The following MAGI2 variants were observed in gnomAD, a reference collection of about 807,000 sequenced individuals.
MAGI2 encodes membrane associated guanylate kinase, WW and PDZ domain containing 2.
A neutral mutation model predicts 133.3 loss-of-function variants in MAGI2; 35 were observed. The ratio of observed to expected loss-of-function variants is 0.26; its 90% CI spans 0.20 to 0.35. MAGI2 has a LOEUF of 0.35. Ranked by LOEUF, MAGI2 falls within the 10% of genes least tolerant of loss-of-function variation. The probability of loss-of-function intolerance (pLI) is 1.00; values close to 1 mark genes in which losing one functional copy is unlikely to be tolerated. For synonymous variants in MAGI2, 729 were observed against 710.6 expected (o/e 1.03, Z -0.41); for missense variants, 1,636 against 1,863.4 (o/e 0.88, Z 2.25).
chr7:78,934,123 T>A (rs550174072), intron 2 of MAGI2, among the ~76,000 whole-genome samples: 26 of 152,194 alleles, frequency 1.7e-4, no homozygotes, highest in African/African-American at 6.0e-4. Context: ...TTTATTAAGA[T>A]GGAGTCTTGC....
intron 2 of MAGI2, among the ~76,000 whole-genome samples, chr7:78,929,619 C>T (rs1282288744): frequency 6.6e-6 from 1 of 152,026 alleles, no homozygotes; most frequent in African/African-American, 2.4e-5. Context: ...CACATCACTA[C>T]AATGTCTGCT....
intron 3 of MAGI2, among the ~76,000 whole-genome samples, chr7:78,593,091 G>C (rs1182537560): frequency 6.6e-6 from 1 of 150,580 alleles, no homozygotes; most frequent in Non-Finnish European, 1.5e-5. Flanking sequence ...AAATTGCTAG[G>C]ATTACGGGCG....
At chr7:79,289,304 C>T (rs1836273667) in intron 1 of MAGI2, among the ~76,000 whole-genome samples, 1 of 152,236 alleles carries the variant, frequency 6.6e-6, no homozygotes, top group East Asian at 1.9e-4. Flanking sequence ...TTAATATCAC[C>T]ACTAAAAATT....
intron 10 of MAGI2, among the ~76,000 whole-genome samples, chr7:78,234,722 T>C (rs1212093324): frequency 6.7e-6 from 1 of 148,788 alleles, no homozygotes; most frequent in African/African-American, 2.4e-5. Context: ...GTGATTTCGT[T>C]CATTTATTCA....
At chr7:78,059,500 T>G (rs1812994667) in intron 21 of MAGI2, among the ~76,000 whole-genome samples, 1 of 152,208 alleles carries the variant, frequency 6.6e-6, no homozygotes, top group Non-Finnish European at 1.5e-5. Flanking sequence ...GCGTGTCAGC[T>G]TCAAAATCAT....
At chr7:78,653,778 A>T (rs1473135421) in intron 2 of MAGI2, among the ~76,000 whole-genome samples, 4 of 80,332 alleles carry the variant, frequency 5.0e-5, no homozygotes, top group Admixed American at 1.4e-4. Context: ...AGTATGATAA[A>T]AAAAAAAAAA....
intron 3 of MAGI2, among the ~76,000 whole-genome samples, chr7:78,569,586 GA>G (rs971878660): frequency 2.7e-5 from 4 of 150,582 alleles, no homozygotes; most frequent in African/African-American, 4.9e-5. Context: ...AAAAAGGAAA[GA>G]AAAAAAAGTA....
intron 6 of MAGI2, among the ~76,000 whole-genome samples, chr7:78,442,195 G>A (rs1036954347): frequency 2.6e-5 from 4 of 152,226 alleles, no homozygotes; most frequent in South Asian, 4.2e-4. Context: ...TATTCTCCTC[G>A]ACAGCCCTTA....
chr7:78,959,326 A>ATTG (rs1802658705), intron 2 of MAGI2, among the ~76,000 whole-genome samples: 1 of 152,290 alleles, frequency 6.6e-6, no homozygotes, highest in South Asian at 2.1e-4. Flanking sequence ...GGAGTTAAGC[A>ATTG]TTGTAGTGTG....
At chr7:78,390,225 C>T (rs1234569431) in intron 6 of MAGI2, among the ~76,000 whole-genome samples, 3 of 151,980 alleles carry the variant, frequency 2.0e-5, no homozygotes, top group Admixed American at 6.6e-5. Flanking sequence ...ATGAAAGTGC[C>T]CAATATCATG....
At position 78,659,470 on chromosome 7, in the gene MAGI2, A is replaced by G. The variant is rs144872299; in HGVS notation, c.419-32231T>C. 5.3e-3 allele frequency among the ~76,000 whole-genome samples: 805 copies of G among 151,430 alleles called. 23 individuals carry two copies. In the East Asian group the frequency reaches 0.072, roughly 14 times the overall value. On this transcript the variant is annotated intron_variant, in intron 2 of 21. Transcript: ENST00000354212. ...AAAAAAAGCAAAACAAAACAAAACA[A>G]AGAAAACCCTGTAAGAATCTAGATG...
At chr7:78,532,177 T>C (rs1291431195) in intron 3 of MAGI2, among the ~76,000 whole-genome samples, 1 of 152,152 alleles carries the variant, frequency 6.6e-6, no homozygotes, top group African/African-American at 2.4e-5. Context: ...ACCTCTAAAA[T>C]GCTCCTCACC....
In MAGI2 at chr7:79,152,716, T is replaced by C. The variant is rs528908509; in HGVS notation, c.302-145510A>G. Among the ~76,000 whole-genome samples the C allele has an allele frequency of 5.9e-5, 9 of 152,236 alleles. No individual in the cohort carries two copies. The East Asian group carries it at 1.7e-3, about 29-fold the overall frequency. On this transcript the variant is annotated intron_variant, in intron 1 of 21. Transcript: ENST00000354212. ...TGTCAGGTTTACAAAGTTCTCCAGG[T>C]GTTTAGGTGGAGCAGACAGGTTGGG... is the stretch of plus-strand genomic sequence containing the variant.
At chr7:79,045,601 C>T (rs539331121) in intron 1 of MAGI2, among the ~76,000 whole-genome samples, 1 of 152,066 alleles carries the variant, frequency 6.6e-6, no homozygotes, top group Non-Finnish European at 1.5e-5. Flanking sequence ...GACCATCCTG[C>T]CTAACACAGT....
At chr7:78,093,136 C>CAAAAA (rs1157039018) in intron 20 of MAGI2, among the ~76,000 whole-genome samples, 3 of 32,330 alleles carry the variant, frequency 9.3e-5, no homozygotes, top group East Asian at 1.3e-3. Flanking sequence ...ACTCCTTCTC[C>CAAAAA]AAAAAAAAAA....
At chr7:79,035,853 A>G (rs1811080442) in intron 1 of MAGI2, among the ~76,000 whole-genome samples, 1 of 152,222 alleles carries the variant, frequency 6.6e-6, no homozygotes, top group African/African-American at 2.4e-5. Flanking sequence ...CAATCCTGTA[A>G]ATTGAGAAAG....
intron 3 of MAGI2, among the ~76,000 whole-genome samples, chr7:78,610,184 C>G (rs901417533): frequency 3.9e-5 from 6 of 152,152 alleles, no homozygotes; most frequent in Non-Finnish European, 7.3e-5. Context: ...TTTGCCCCAG[C>G]TGTGCAAAGT....
At chr7:79,243,994 C>T (rs1412504550) in intron 1 of MAGI2, among the ~76,000 whole-genome samples, 2 of 152,080 alleles carry the variant, frequency 1.3e-5, no homozygotes, top group Non-Finnish European at 2.9e-5. Context: ...CTGTAGCCCT[C>T]AGCCTTTGGT....
chr7:78,785,241 C>T (rs866775155), intron 2 of MAGI2, among the ~76,000 whole-genome samples: 6 of 152,098 alleles, frequency 3.9e-5, no homozygotes, highest in Non-Finnish European at 5.9e-5. Flanking sequence ...CCAAGGAATG[C>T]TTTTAATTTT....
Sources: gnomAD v4.1 joint callset for allele counts (sites outside exome capture counted in the v4.1 genomes callset) on GRCh38, gnomAD v4.1.1 for gene constraint, MANE v1.5 for transcripts, NCBI Gene and HGNC (gene_info 2026-07-23, HGNC 2026-07-21) for gene names.